Variants in FHIT observed in about 807,000 individuals in gnomAD.
FHIT encodes the protein bis(5'-adenosyl)-triphosphatase.
FHIT carries 19 observed loss-of-function variants against 17.9 expected under a neutral mutation model. That is an observed-to-expected ratio of 1.06 (90% CI 0.74 to 1.56). FHIT has a LOEUF of 1.56. Ranked by LOEUF, FHIT falls within the 40% of genes most tolerant of loss-of-function variation. The pLI, the probability that FHIT is intolerant of heterozygous loss-of-function variation, is 0.00. For synonymous variants in FHIT, 81 were observed against 69.7 expected (o/e 1.16, Z -0.81); for missense variants, 248 against 189.2 (o/e 1.31, Z -1.82).
chr3:60,057,469 A>G (rs1301634882), intron 5 of FHIT, among the ~76,000 whole-genome samples: 1 of 152,200 alleles, frequency 6.6e-6, no homozygotes, highest in African/African-American at 2.4e-5. Flanking sequence ...CTCAGCCATG[A>G]AAATGAAATT....
chr3:60,461,960 G>C (rs1199765426), intron 5 of FHIT, among the ~76,000 whole-genome samples: 1 of 152,164 alleles, frequency 6.6e-6, no homozygotes, highest in East Asian at 1.9e-4. Context: ...AGCGTTACAT[G>C]AATCTGTAAA....
At chr3:61,088,592 A>C (rs2035376859) in intron 2 of FHIT, among the ~76,000 whole-genome samples, 1 of 152,162 alleles carries the variant, frequency 6.6e-6, no homozygotes, top group African/African-American at 2.4e-5. Context: ...AATATATTGG[A>C]AACTGTGCTC....
chr3:60,357,402 C>A (rs1699718947), intron 5 of FHIT, among the ~76,000 whole-genome samples: 1 of 152,006 alleles, frequency 6.6e-6, no homozygotes, highest in South Asian at 2.1e-4. Context: ...CATCACCACA[C>A]CTGGCTAATT....
chr3:60,337,072 T>C (rs931407825), intron 5 of FHIT, among the ~76,000 whole-genome samples: 4 of 152,182 alleles, frequency 2.6e-5, no homozygotes, highest in African/African-American at 4.8e-5. Flanking sequence ...TGATGAATTA[T>C]GGTTTTGCTT....
At chr3:60,370,116 C>T (rs984757) in intron 5 of FHIT, among the ~76,000 whole-genome samples, 103,596 of 152,058 alleles carry the variant, frequency 0.68, 35,965 homozygotes, top group African/African-American at 0.82. Context: ...TGCCATTTTA[C>T]TCATAATATG....
chr3:60,309,996 G>C (rs137921600), intron 5 of FHIT, among the ~76,000 whole-genome samples: 2 of 152,114 alleles, frequency 1.3e-5, no homozygotes, highest in East Asian at 1.9e-4. Context: ...ACAAGGACAC[G>C]TCTTCACAGG....
rs371340294 is a variant in FHIT, at chr3:60,755,750, T to G, written c.-18+66169A>C. Among the ~76,000 whole-genome samples, 54 of 152,302 alleles carry G rather than the reference T, an allele frequency of 3.5e-4. No individual in the cohort carries two copies. The South Asian group carries it at 8.9e-3, about 25-fold the overall frequency. ...GCCTGAGATATTTATATTTAGAAAT[T>G]TAGAGACATTGGTTAAATAAGTTAA... On this transcript the variant is annotated intron_variant, in intron 4 of 9. Transcript: ENST00000492590.
At chr3:60,700,232 TA>T (rs549460561) in intron 4 of FHIT, among the ~76,000 whole-genome samples, 2 of 151,640 alleles carry the variant, frequency 1.3e-5, no homozygotes, top group African/African-American at 2.4e-5. Context: ...CCATGGCAAC[TA>T]AAAAAAACAA....
intron 5 of FHIT, among the ~76,000 whole-genome samples, chr3:60,112,771 A>T (rs1704733330): frequency 6.6e-6 from 1 of 152,228 alleles, no homozygotes; most frequent in African/African-American, 2.4e-5. Context: ...GTGAGTCTTT[A>T]CATAGGAGCA....
intron 1 of FHIT, among the ~76,000 whole-genome samples, chr3:61,204,862 T>G (rs1332095379): frequency 2.6e-5 from 4 of 152,190 alleles, no homozygotes; most frequent in Admixed American, 2.6e-4. Flanking sequence ...TTAGGGTACA[T>G]GTGCACAACG....
At chr3:60,290,371 T>G (rs1707926595) in intron 5 of FHIT, among the ~76,000 whole-genome samples, 1 of 152,084 alleles carries the variant, frequency 6.6e-6, no homozygotes, top group South Asian at 2.1e-4. Context: ...TGTGATTTGT[T>G]TATAAATGAC....
intron 4 of FHIT, among the ~76,000 whole-genome samples, chr3:60,801,182 T>A (rs971976379): frequency 8.5e-5 from 13 of 152,184 alleles, no homozygotes; most frequent in Non-Finnish European, 1.6e-4. Flanking sequence ...ATGGAAGAGA[T>A]TATTTATCCA....
intron 7 of FHIT, among the ~76,000 whole-genome samples, chr3:59,981,416 G>A (rs1483524140): frequency 6.6e-6 from 1 of 152,154 alleles, no homozygotes; most frequent in Admixed American, 6.6e-5. Context: ...CATTGCTTCT[G>A]TGACAAATTC....
intron 4 of FHIT, among the ~76,000 whole-genome samples, chr3:60,679,602 C>A (rs1344268564): frequency 6.6e-6 from 1 of 152,020 alleles, no homozygotes; most frequent in Non-Finnish European, 1.5e-5. Flanking sequence ...AACAATTTCA[C>A]TGTTTACTGA....
intron 2 of FHIT, among the ~76,000 whole-genome samples, chr3:61,092,624 T>G (rs186076838): frequency 6.8e-4 from 104 of 152,234 alleles, no homozygotes; most frequent in African/African-American, 2.4e-3. Flanking sequence ...TCTGTGCTAT[T>G]AAGAAGCACA....
chr3:60,483,610 CT>C (rs145166340), intron 5 of FHIT, among the ~76,000 whole-genome samples: 7,691 of 152,096 alleles, frequency 0.051, 604 homozygotes, highest in African/African-American at 0.17. Flanking sequence ...CAGAAAAAGC[CT>C]TTGATAATAT....
chr3:60,292,637 A>C (rs1276319491), intron 5 of FHIT, among the ~76,000 whole-genome samples: 1 of 152,164 alleles, frequency 6.6e-6, no homozygotes. Context: ...AGATGTAACT[A>C]AATTGCCGGC....
At chr3:59,991,641 T>A (rs937417832) in intron 7 of FHIT, among the ~76,000 whole-genome samples, 3 of 152,074 alleles carry the variant, frequency 2.0e-5, no homozygotes, top group African/African-American at 7.2e-5. Context: ...TCTTCCTTCC[T>A]TCCATCAGTC....
intron 5 of FHIT, among the ~76,000 whole-genome samples, chr3:60,423,525 A>C (rs980926394): frequency 3.9e-5 from 6 of 152,150 alleles, no homozygotes; most frequent in African/African-American, 1.4e-4. Flanking sequence ...CTTAGACTTC[A>C]TAGAGATGAT....
Sources: allele counts gnomAD v4.1 joint callset (sites outside exome capture counted in the v4.1 genomes callset), GRCh38; gene constraint gnomAD v4.1.1; transcripts MANE v1.5; gene names NCBI Gene and HGNC (gene_info 2026-07-23, HGNC 2026-07-21).